The following TENM2 variants were observed in gnomAD, a reference collection of about 807,000 sequenced individuals.
TENM2 encodes the protein teneurin-2.
In TENM2, 52 loss-of-function variants were observed where a neutral mutation model predicts 245.2. That is an observed-to-expected ratio of 0.21 (90% CI 0.17 to 0.27). TENM2 has a LOEUF of 0.27. Ranked by LOEUF, TENM2 falls within the 10% of genes least tolerant of loss-of-function variation. The pLI, the probability that TENM2 is intolerant of heterozygous loss-of-function variation, is 1.00. For missense variants in TENM2, 3,046 were observed against 3,666.8 expected, an observed-to-expected ratio of 0.83 and a Z score of 4.37; for synonymous variants, 1,363 against 1,438.9, an observed-to-expected ratio of 0.95 and a Z score of 1.19.
intron 2 of TENM2, among the ~76,000 whole-genome samples, chr5:167,661,544 A>G (rs945615031): frequency 1.3e-5 from 2 of 152,202 alleles, no homozygotes; most frequent in Non-Finnish European, 2.9e-5. Flanking sequence ...AGGGATTGCC[A>G]AGTTAATTTG....
chr5:167,555,833 C>T (rs891019796), intron 2 of TENM2, among the ~76,000 whole-genome samples: 1 of 151,984 alleles, frequency 6.6e-6, no homozygotes, highest in Admixed American at 6.6e-5. Flanking sequence ...GCACGGCACC[C>T]TCTGAAATGA....
chr5:167,902,307 A>C (rs2151522986), intron 3 of TENM2, among the ~76,000 whole-genome samples: 1 of 152,340 alleles, frequency 6.6e-6, no homozygotes, highest in South Asian at 2.1e-4. Context: ...ACTGTTATAA[A>C]GGATTTGGAA....
chr5:167,856,356 T>C (rs958794594), intron 2 of TENM2, among the ~76,000 whole-genome samples: 5 of 152,240 alleles, frequency 3.3e-5, no homozygotes, highest in Admixed American at 1.3e-4. Context: ...AAAAGCAAAA[T>C]GGGTTATTAT....
intron 3 of TENM2, among the ~76,000 whole-genome samples, chr5:167,942,324 C>A (rs1377692091): frequency 6.6e-6 from 1 of 152,214 alleles, no homozygotes; most frequent in Non-Finnish European, 1.5e-5. Flanking sequence ...CGTAGTATCT[C>A]ATTTAACTCT....
the TENM2 span, among the ~76,000 whole-genome samples, chr5:167,155,697 A>T: frequency 1.3e-5 from 2 of 152,236 alleles, no homozygotes; most frequent in African/African-American, 4.8e-5. Context: ...GGATTTACAC[A>T]AAATGAAATA....
chr5:167,097,306 G>A, the TENM2 span, among the ~76,000 whole-genome samples: 5 of 152,106 alleles, frequency 3.3e-5, no homozygotes, highest in Non-Finnish European at 7.4e-5. Context: ...GGGCAAGTGG[G>A]GCCTTGGCCA....
chr5:168,088,864 C>T (rs1792685239), intron 7 of TENM2, among the ~76,000 whole-genome samples: 1 of 152,142 alleles, frequency 6.6e-6, no homozygotes, highest in African/African-American at 2.4e-5. Context: ...GGGAAAGGCA[C>T]ATTAGGAGAT....
intron 2 of TENM2, among the ~76,000 whole-genome samples, chr5:167,532,263 A>G (rs1226307129): frequency 6.6e-6 from 1 of 152,120 alleles, no homozygotes; most frequent in African/African-American, 2.4e-5. Flanking sequence ...ATTAGAATTT[A>G]TATATACAAC....
At chr5:168,119,726 C>G (rs2152338073) in intron 10 of TENM2, among the ~76,000 whole-genome samples, 1 of 152,304 alleles carries the variant, frequency 6.6e-6, no homozygotes, top group Admixed American at 6.5e-5. Flanking sequence ...TGCCCTCACA[C>G]AACTCAAACA....
chr5:167,623,738 A>G (rs1778325022), intron 2 of TENM2, among the ~76,000 whole-genome samples: 1 of 152,172 alleles, frequency 6.6e-6, no homozygotes, highest in Admixed American at 6.5e-5. Context: ...TGTGTGGAAT[A>G]CTAGTGGAGA....
chr5:167,605,070 T>C (rs985225853), intron 2 of TENM2, among the ~76,000 whole-genome samples: 20 of 152,196 alleles, frequency 1.3e-4, no homozygotes, highest in African/African-American at 4.3e-4. Flanking sequence ...CCCTTGTCAG[T>C]GCAGTGAAAG....
At chr5:167,079,518 G>C in the TENM2 span, among the ~76,000 whole-genome samples, 1 of 151,028 alleles carries the variant, frequency 6.6e-6, no homozygotes, top group Admixed American at 6.6e-5. Flanking sequence ...TCTCCACATT[G>C]GTCAGGCTGG....
chr5:166,986,136 C>T, the TENM2 span, among the ~76,000 whole-genome samples: 2 of 152,128 alleles, frequency 1.3e-5, no homozygotes, highest in Non-Finnish European at 2.9e-5. Context: ...AGGTGCAAAA[C>T]AGTGTTTGCA....
the TENM2 span, among the ~76,000 whole-genome samples, chr5:167,176,548 G>A: frequency 6.6e-6 from 1 of 152,218 alleles, no homozygotes; most frequent in South Asian, 2.1e-4. Flanking sequence ...ATGTAGCTTA[G>A]CAGGATTGAT....
intron 2 of TENM2, among the ~76,000 whole-genome samples, chr5:167,395,912 C>T (rs1199755551): frequency 6.6e-6 from 1 of 152,100 alleles, no homozygotes; most frequent in Non-Finnish European, 1.5e-5. Context: ...GAGATACCAT[C>T]TCATACCCCT....
At chr5:167,428,865 G>T (rs1764039454) in intron 2 of TENM2, among the ~76,000 whole-genome samples, 1 of 152,146 alleles carries the variant, frequency 6.6e-6, no homozygotes, top group Admixed American at 6.5e-5. Context: ...CTTACACAAG[G>T]ATGTGTTCAT....
At chr5:167,024,666 G>A in the TENM2 span, among the ~76,000 whole-genome samples, 420 of 152,238 alleles carry the variant, frequency 2.8e-3, 3 homozygotes, top group African/African-American at 9.7e-3. Flanking sequence ...CCTAAAGGTG[G>A]GACTAGCTTG....
At chr5:167,550,106 T>A (rs963969213) in intron 2 of TENM2, among the ~76,000 whole-genome samples, 6 of 152,194 alleles carry the variant, frequency 3.9e-5, no homozygotes, top group African/African-American at 1.4e-4. Context: ...ATGCATTTTT[T>A]AAAAAATTAA....
At chr5:168,143,340 A>G (rs979858636) in intron 12 of TENM2, among the ~76,000 whole-genome samples, 3 of 152,036 alleles carry the variant, frequency 2.0e-5, no homozygotes, top group Non-Finnish European at 2.9e-5. Context: ...AATACTTTAT[A>G]AAAATTACTT....
Sources: gnomAD v4.1 joint callset for allele counts (sites outside exome capture counted in the v4.1 genomes callset) on GRCh38, gnomAD v4.1.1 for gene constraint, MANE v1.5 for transcripts, NCBI Gene and HGNC (gene_info 2026-07-23, HGNC 2026-07-21) for gene names.